Variants in FMNL3 observed in about 807,000 individuals in gnomAD.
The protein encoded by FMNL3 is formin-like protein 3.
FMNL3 carries 57 observed loss-of-function variants against 119.6 expected under a neutral mutation model. The observed-to-expected ratio is 0.48, with a 90% CI of 0.39 to 0.59. The LOEUF is 0.59. Among genes scored for constraint, FMNL3 ranks in the 20% least tolerant of loss-of-function variants. FMNL3 has a pLI of 0.00. For missense variants in FMNL3, 1,053 were observed against 1,323.5 expected (o/e 0.80, Z 3.17); for synonymous variants, 491 against 507.3 (o/e 0.97, Z 0.43).
intron 1 of FMNL3, among the ~76,000 whole-genome samples, chr12:49,700,202 C>A (rs1266097808): frequency 6.6e-6 from 1 of 151,340 alleles, no homozygotes; most frequent in Non-Finnish European, 1.5e-5. Context: ...ACCATCCTGG[C>A]TAACATGGTG....
At chr12:49,691,604 G>T (rs1738351429) in intron 1 of FMNL3, among the ~76,000 whole-genome samples, 1 of 152,178 alleles carries the variant, frequency 6.6e-6, no homozygotes, top group South Asian at 2.1e-4. Flanking sequence ...TTTTACTGTG[G>T]AAACAGTGCC....
intron 1 of FMNL3, among the ~76,000 whole-genome samples, chr12:49,685,849 T>C (rs985163890): frequency 1.3e-5 from 2 of 151,882 alleles, no homozygotes; most frequent in African/African-American, 4.8e-5. Flanking sequence ...GGGGGATCAC[T>C]TGAGGTCAGG....
chr12:49,677,564 A>C (rs1197013871), intron 1 of FMNL3, among the ~76,000 whole-genome samples: 1 of 152,278 alleles, frequency 6.6e-6, no homozygotes, highest in Non-Finnish European at 1.5e-5. Context: ...TAAATATTAC[A>C]CATAATGCTA....
intron 1 of FMNL3, among the ~76,000 whole-genome samples, chr12:49,671,185 A>C (rs1053611688): frequency 3.3e-5 from 5 of 152,228 alleles, no homozygotes; most frequent in African/African-American, 1.2e-4. Flanking sequence ...ACTGATGAGG[A>C]AACACTTGGT....
rs1407991791 is a variant in FMNL3 at position 49,641,337 on chromosome 12, G to C, written c.*4478C>G. 2 of 152,448 alleles carry C rather than the reference G, an allele frequency of 1.3e-5. No homozygotes were observed. The highest frequency in any genetic ancestry group is 1.3e-4 in the Admixed American group (2 of 15,308). The allele number at this position is 152,448 out of a possible 1,614,324, so 9.4% of individuals were successfully genotyped here. ...GGATAGAGAGCCCCCCCAGGGTAGG[G>C]TTCTTGCCCAGCCGTATATCAGCTG... On this transcript the variant is annotated 3_prime_UTR_variant, in exon 26 of 26. Coordinates refer to ENST00000335154, the MANE Select transcript of FMNL3 (RefSeq NM_175736.5).
At chr12:49,683,213 A>G (rs1944380130) in intron 1 of FMNL3, among the ~76,000 whole-genome samples, 1 of 152,222 alleles carries the variant, frequency 6.6e-6, no homozygotes, top group Non-Finnish European at 1.5e-5. Context: ...TATTGACAGT[A>G]GGCATAGATG....
At position 49,653,624 on chromosome 12, in the gene FMNL3, T is replaced by C. The variant is rs975914758; in HGVS notation, c.1221+101A>G. ...GAGAGCCCTGGTGGGTTCTAAAGCCTCCCTGGGACTCAATCTGGAGGCAAA... is the reference window on the plus strand; with the variant it reads ...GAGAGCCCTGGTGGGTTCTAAAGCCCCCCTGGGACTCAATCTGGAGGCAAA... On this transcript the variant is annotated intron_variant, in intron 12 of 25. Coordinates refer to ENST00000335154, the MANE Select transcript of FMNL3 (RefSeq NM_175736.5). 5 of 1,537,384 alleles carry C rather than the reference T, an allele frequency of 3.3e-6. No individual in the cohort carries two copies. In the African/African-American group the frequency reaches 4.1e-5, roughly 13 times the overall value.
At position 49,692,317 on chromosome 12, in the gene FMNL3, C is replaced by A. The variant is rs1944628494; in HGVS notation, c.126+14738G>T. Among the ~76,000 whole-genome samples the A allele has an allele frequency of 4.6e-5, 7 of 151,804 alleles. No individual in the cohort carries two copies. In the South Asian group the frequency reaches 1.5e-3, roughly 31 times the overall value. ...TGCACTCTGAGCTAGGCAAAAGAGACCTTGTCTCCAAAAAAAAAAACTTCA... is the reference window on the plus strand; with the variant it reads ...TGCACTCTGAGCTAGGCAAAAGAGAACTTGTCTCCAAAAAAAAAAACTTCA... On this transcript the variant is annotated intron_variant, in intron 1 of 25. Transcript: ENST00000335154.
At chr12:49,694,433 C>T (rs1250806020) in intron 1 of FMNL3, among the ~76,000 whole-genome samples, 3 of 152,128 alleles carry the variant, frequency 2.0e-5, no homozygotes, top group African/African-American at 7.2e-5. Flanking sequence ...CCTTCCGTCA[C>T]ATGTGTAAAC....
chr12:49,663,138 C>T (rs748832541), intron 4 of FMNL3, among the ~76,000 whole-genome samples: 2 of 152,230 alleles, frequency 1.3e-5, no homozygotes, highest in Admixed American at 1.3e-4. Context: ...CTGAAGTTAG[C>T]TTCCTCTCTG....
Position 49,640,575 on chromosome 12 carries a change from G to C in FMNL3, c.*5240C>G, listed in dbSNP as rs1942493858. 1 of 151,096 alleles carries C rather than the reference G, an allele frequency of 6.6e-6. No individual in the cohort carries two copies. The highest frequency in any genetic ancestry group is 2.4e-5 in the African/African-American group (1 of 41,396). The allele number at this position is 151,096 out of a possible 1,614,324, so 9.4% of individuals were successfully genotyped here. On this transcript the variant is annotated 3_prime_UTR_variant, in exon 26 of 26. Coordinates refer to ENST00000335154, the MANE Select transcript of FMNL3 (RefSeq NM_175736.5). Reference sequence around the variant, plus strand: ...TGGAGGTGGCATGGGGGCAGCACATGTTTTAGAGTCAGATTACTCCTGGTT... The same window carrying C: ...TGGAGGTGGCATGGGGGCAGCACATCTTTTAGAGTCAGATTACTCCTGGTT...
chr12:49,682,521 T>C (rs377009098), intron 1 of FMNL3, among the ~76,000 whole-genome samples: 196 of 152,268 alleles, frequency 1.3e-3, no homozygotes, highest in South Asian at 0.011. Flanking sequence ...TTTAATTTTT[T>C]ATTTTGGTTG....
In FMNL3 at chr12:49,642,358, ACT is replaced by A. The variant is rs779645254; in HGVS notation, c.*3455_*3456del. On this transcript the variant is annotated 3_prime_UTR_variant, in exon 26 of 26. Coordinates refer to ENST00000335154, the MANE Select transcript of FMNL3 (RefSeq NM_175736.5). This position sits in a 1 kb window ranked among gnomAD's most constrained non-coding sequence, Gnocchi z 5.8. ...GGCTGTGCCTGCTCTGGAGCTAGGCACTGCCTGGGAAGAGGTCAGGAGCGTAG... is the reference window on the plus strand; with the variant it reads ...GGCTGTGCCTGCTCTGGAGCTAGGCAGCCTGGGAAGAGGTCAGGAGCGTAG... The A allele has an allele frequency of 6.2e-7, 1 of 1,613,838 alleles. No individual in the cohort carries two copies. The highest frequency in any genetic ancestry group is 1.3e-5 in the African/African-American group (1 of 75,040).
Position 49,643,851 on chromosome 12 carries a change from ACT to A in FMNL3, c.*1962_*1963del. On this transcript the variant is annotated 3_prime_UTR_variant, in exon 26 of 26. Transcript: ENST00000335154. Reference sequence around the variant, plus strand: ...CAGGAACTGAGGAGGTGGGCTCTGGACTCTTACAGAATAGTCCTGAGAGTGAG... The same window carrying A: ...CAGGAACTGAGGAGGTGGGCTCTGGACTTACAGAATAGTCCTGAGAGTGAG... 1 of 1,614,076 alleles carries A rather than the reference ACT, an allele frequency of 6.2e-7. No homozygotes were observed. The highest frequency in any genetic ancestry group is 8.5e-7 in the Non-Finnish European group (1 of 1,179,980).
At chr12:49,665,321 G>T (rs1239229694) in intron 4 of FMNL3, among the ~76,000 whole-genome samples, 1 of 151,956 alleles carries the variant, frequency 6.6e-6, no homozygotes, top group African/African-American at 2.4e-5. Context: ...TTCAGCTCCT[G>T]CCCCCAGTGC....
At chr12:49,663,892 T>G (rs1943810998) in intron 4 of FMNL3, among the ~76,000 whole-genome samples, 1 of 152,076 alleles carries the variant, frequency 6.6e-6, no homozygotes, top group Non-Finnish European at 1.5e-5. Context: ...TCAAGGAGGA[T>G]CACTTGAGCC....
chr12:49,667,301 G>GAA (rs1407159006), intron 2 of FMNL3, among the ~76,000 whole-genome samples: 2 of 152,130 alleles, frequency 1.3e-5, no homozygotes, highest in Non-Finnish European at 2.9e-5. Context: ...AGAAACAGCT[G>GAA]AAATTATCTG....
chr12:49,663,057 G>C (rs548769489), intron 4 of FMNL3, among the ~76,000 whole-genome samples: 1 of 152,270 alleles, frequency 6.6e-6, no homozygotes, highest in Admixed American at 6.5e-5. Flanking sequence ...AGAGACTCTG[G>C]AGCTACAACA....
chr12:49,701,267 T>C (rs1944903890), intron 1 of FMNL3, among the ~76,000 whole-genome samples: 1 of 152,126 alleles, frequency 6.6e-6, no homozygotes, highest in African/African-American at 2.4e-5. Flanking sequence ...TTTTATTATC[T>C]TCTTTACACT....
Sources: gnomAD v4.1 joint callset for allele counts (sites outside exome capture counted in the v4.1 genomes callset) on GRCh38, gnomAD v4.1.1 for gene constraint, Gnocchi (gnomAD v3.1) non-coding constraint, MANE v1.5 for transcripts, NCBI Gene and HGNC (gene_info 2026-07-23, HGNC 2026-07-21) for gene names.